The following ASTN2 variants were observed in gnomAD, a reference collection of about 807,000 sequenced individuals.
ASTN2 encodes astrotactin-2.
ASTN2 carries 54 observed loss-of-function variants against 139.8 expected under a neutral mutation model. That is an observed-to-expected ratio of 0.39 (90% CI 0.31 to 0.48). The LOEUF (loss-of-function observed/expected upper bound fraction) is 0.48. Ranked by LOEUF, ASTN2 falls within the 20% of genes least tolerant of loss-of-function variation. ASTN2 has a pLI of 0.95. For synonymous variants in ASTN2, 756 were observed against 719.5 expected (o/e 1.05, Z -0.81); for missense variants, 1,565 against 1,725.1 (o/e 0.91, Z 1.64).
At chr9:117,171,239 C>T (rs1830785772) in intron 3 of ASTN2, among the ~76,000 whole-genome samples, 1 of 152,152 alleles carries the variant, frequency 6.6e-6, no homozygotes, top group Non-Finnish European at 1.5e-5. Context: ...CTAACTGAAA[C>T]ATTTGCAGGT....
At chr9:116,728,914 C>T in intron 15 of ASTN2, 78 bp downstream of exon 15, 1 of 1,203,282 alleles carries the variant, frequency 8.3e-7, no homozygotes, top group Non-Finnish European at 1.2e-6. Flanking sequence ...CTCTCATATG[C>T]CCTGGCACAT....
At chr9:116,651,380 TG>T (rs1857903813) in intron 17 of ASTN2, 147 bp downstream of exon 17, 13 of 922,254 alleles carry the variant, frequency 1.4e-5, no homozygotes, top group Admixed American at 2.8e-5. Flanking sequence ...ATTTAGAACA[TG>T]GTAAGGAATC....
At chr9:117,370,804 G>A (rs1206183695) in intron 1 of ASTN2, among the ~76,000 whole-genome samples, 1 of 152,068 alleles carries the variant, frequency 6.6e-6, no homozygotes, top group African/African-American at 2.4e-5. Flanking sequence ...TCACACTCCT[G>A]AGATCAAGTC....
intron 10 of ASTN2, among the ~76,000 whole-genome samples, chr9:116,921,120 G>A (rs1213443890): frequency 6.6e-6 from 1 of 152,168 alleles, no homozygotes; most frequent in Non-Finnish European, 1.5e-5. Context: ...CATGGTAGGA[G>A]CAGGACCATG....
intron 10 of ASTN2, among the ~76,000 whole-genome samples, chr9:116,932,016 A>AGG (rs1483526767): frequency 6.6e-6 from 1 of 151,978 alleles, no homozygotes; most frequent in Non-Finnish European, 1.5e-5. Flanking sequence ...TGTGAGAATG[A>AGG]GGGGTGGTAG....
At chr9:117,368,406 T>A (rs538912271) in intron 1 of ASTN2, among the ~76,000 whole-genome samples, 14 of 152,262 alleles carry the variant, frequency 9.2e-5, no homozygotes, top group African/African-American at 2.9e-4. Context: ...GTATTGAAAT[T>A]GAAGAAAATG....
chr9:116,531,279 C>A (rs1045171106), intron 19 of ASTN2, among the ~76,000 whole-genome samples: 3 of 152,150 alleles, frequency 2.0e-5, no homozygotes, highest in Non-Finnish European at 2.9e-5. Flanking sequence ...AAATGTATGG[C>A]CATGGTACTC....
chr9:116,672,825 T>C (rs971593223), intron 16 of ASTN2, among the ~76,000 whole-genome samples: 2 of 152,236 alleles, frequency 1.3e-5, no homozygotes, highest in Non-Finnish European at 2.9e-5. Context: ...GTTGGGGTTC[T>C]GTCTGATTAC....
chr9:116,669,329 A>G (rs1001442841), intron 16 of ASTN2, among the ~76,000 whole-genome samples: 2 of 152,152 alleles, frequency 1.3e-5, no homozygotes, highest in African/African-American at 2.4e-5. Context: ...CCTGCTCTAC[A>G]GAGCGCAGGA....
At chr9:116,762,417 G>A (rs547605056) in intron 13 of ASTN2, among the ~76,000 whole-genome samples, 87 of 152,228 alleles carry the variant, frequency 5.7e-4, no homozygotes, top group African/African-American at 2.0e-3. Context: ...GAAGTGCTTT[G>A]AAAAACATAA....
chr9:117,392,676 C>T (rs1830573830), intron 1 of ASTN2, among the ~76,000 whole-genome samples: 1 of 152,144 alleles, frequency 6.6e-6, no homozygotes, highest in African/African-American at 2.4e-5. Context: ...CAGTTACAAC[C>T]AAGAGTTGAA....
chr9:116,853,239 A>G (rs1471747149), intron 11 of ASTN2, among the ~76,000 whole-genome samples: 3 of 152,012 alleles, frequency 2.0e-5, no homozygotes, highest in Non-Finnish European at 4.4e-5. Flanking sequence ...GTACAAATTT[A>G]TTTTATTTTA....
intron 10 of ASTN2, among the ~76,000 whole-genome samples, chr9:116,896,873 T>A (rs977351738): frequency 6.6e-6 from 1 of 152,120 alleles, no homozygotes; most frequent in Non-Finnish European, 1.5e-5. Flanking sequence ...CCTTGACACA[T>A]GTGGATTACA....
At chr9:116,431,319 A>C (rs1183111862) in intron 22 of ASTN2, among the ~76,000 whole-genome samples, 2 of 152,280 alleles carry the variant, frequency 1.3e-5, no homozygotes, top group East Asian at 1.9e-4. Context: ...GTTGAGCTTA[A>C]GTGTCTCTGT....
chr9:116,527,840 C>T (rs892994643), intron 19 of ASTN2, among the ~76,000 whole-genome samples: 1 of 152,154 alleles, frequency 6.6e-6, no homozygotes, highest in African/African-American at 2.4e-5. Flanking sequence ...CCCTCACTCT[C>T]CCTTTCCTAC....
intron 5 of ASTN2, among the ~76,000 whole-genome samples, chr9:117,071,738 A>C (rs936329497): frequency 6.6e-6 from 1 of 150,574 alleles, no homozygotes; most frequent in Non-Finnish European, 1.5e-5. Context: ...AGCCGGTCTG[A>C]AAAGCGCAAT....
At chr9:117,017,272 T>C (rs1481594631) in intron 6 of ASTN2, among the ~76,000 whole-genome samples, 1 of 152,148 alleles carries the variant, frequency 6.6e-6, no homozygotes, top group Admixed American at 6.6e-5. Context: ...TTTTGAACTC[T>C]TTTTATGACT....
chr9:117,050,021 T>A (rs974314873), intron 5 of ASTN2, among the ~76,000 whole-genome samples: 1 of 152,128 alleles, frequency 6.6e-6, no homozygotes, highest in African/African-American at 2.4e-5. Flanking sequence ...TAGGTGACTA[T>A]CAATCGACTG....
At chr9:116,845,694 T>C (rs974039263) in intron 11 of ASTN2, among the ~76,000 whole-genome samples, 2 of 152,206 alleles carry the variant, frequency 1.3e-5, no homozygotes, top group Admixed American at 6.5e-5. Flanking sequence ...CTCATTAGGA[T>C]GGCTGTTACC....
Sources: allele counts gnomAD v4.1 joint callset (sites outside exome capture counted in the v4.1 genomes callset), GRCh38; gene constraint gnomAD v4.1.1; transcripts MANE v1.5; gene names NCBI Gene and HGNC (gene_info 2026-07-23, HGNC 2026-07-21).